The following MTNAP1 variants were observed in gnomAD, a reference collection of about 807,000 sequenced individuals.
MTNAP1 encodes the protein mitochondrial nucleoid associated protein 1.
At chr17:73,236,657 A>G in the MTNAP1 span, 8 of 1,614,180 alleles carry the variant, frequency 5.0e-6, no homozygotes, top group South Asian at 5.5e-5. Context: ...GCAGAAGCCC[A>G]GAATCATCAT....
chr17:73,233,723 G>C, the MTNAP1 span, among the ~76,000 whole-genome samples: 1 of 152,178 alleles, frequency 6.6e-6, no homozygotes, highest in Non-Finnish European at 1.5e-5. Flanking sequence ...AATTAGCTGG[G>C]CGTGGTGGCG....
At chr17:73,242,874 A>G in the MTNAP1 span, 1 of 1,596,466 alleles carries the variant, frequency 6.3e-7, no homozygotes, top group Middle Eastern at 1.8e-4. Flanking sequence ...TGTAACAACA[A>G]GCCGTGTTTC....
chr17:73,240,109 C>T, the MTNAP1 span, among the ~76,000 whole-genome samples: 1 of 152,276 alleles, frequency 6.6e-6, no homozygotes, highest in South Asian at 2.1e-4. Context: ...TAATAAGATA[C>T]AGTAACTTAA....
At chr17:73,248,358 G>A in the MTNAP1 span, 125 of 786,708 alleles carry the variant, frequency 1.6e-4, 1 homozygote, top group South Asian at 1.5e-3. Context: ...GAAAAAGAAC[G>A]TCTCTAACAT....
At chr17:73,242,363 G>A in the MTNAP1 span, 1 of 1,520,632 alleles carries the variant, frequency 6.6e-7, no homozygotes, top group Non-Finnish European at 8.9e-7. Context: ...TGAGGCTGGA[G>A]TTTGACTGTT....
the MTNAP1 span, chr17:73,236,373 G>A: frequency 4.5e-5 from 73 of 1,613,938 alleles, no homozygotes; most frequent in Non-Finnish European, 5.8e-5. Context: ...AGAAACAAGA[G>A]AAAGGACTTA....
chr17:73,241,366 G>A, the MTNAP1 span, among the ~76,000 whole-genome samples: 1 of 151,884 alleles, frequency 6.6e-6, no homozygotes, highest in Admixed American at 6.6e-5. Flanking sequence ...TACAGTGTTA[G>A]CCAGGATGGT....
At chr17:73,236,108 T>C in the MTNAP1 span, 12 of 1,614,030 alleles carry the variant, frequency 7.4e-6, no homozygotes, top group Non-Finnish European at 1.0e-5. Flanking sequence ...TTGGACAAAA[T>C]TGATCCCCAA....
the MTNAP1 span, among the ~76,000 whole-genome samples, chr17:73,241,709 C>T: frequency 6.6e-6 from 1 of 152,146 alleles, no homozygotes; most frequent in African/African-American, 2.4e-5. Flanking sequence ...GCGGGCAGAA[C>T]ACATGAGGTC....
At chr17:73,247,001 C>T in the MTNAP1 span, among the ~76,000 whole-genome samples, 116 of 152,276 alleles carry the variant, frequency 7.6e-4, 1 homozygote, top group African/African-American at 2.7e-3. Context: ...TTCAGTAATA[C>T]CCTCTTTCCC....
chr17:73,240,802 G>A, the MTNAP1 span, among the ~76,000 whole-genome samples: 5 of 152,184 alleles, frequency 3.3e-5, no homozygotes, highest in East Asian at 9.6e-4. Context: ...TGACACTGCT[G>A]ACAACATGGT....
At chr17:73,233,926 G>T in the MTNAP1 span, among the ~76,000 whole-genome samples, 1 of 152,082 alleles carries the variant, frequency 6.6e-6, no homozygotes, top group African/African-American at 2.4e-5. Context: ...GTAATCTGTT[G>T]GCAGAAAACA....
the MTNAP1 span, chr17:73,235,879 C>G: frequency 6.2e-7 from 1 of 1,614,050 alleles, no homozygotes; most frequent in South Asian, 1.1e-5. Flanking sequence ...GACTACTTTC[C>G]AAGAAGAAAC....
At chr17:73,236,736 TAGTC>T in the MTNAP1 span, 12 of 1,614,150 alleles carry the variant, frequency 7.4e-6, no homozygotes, top group South Asian at 1.1e-5. Flanking sequence ...CCAAATCTGA[TAGTC>T]AGTTCCAAGC....
At chr17:73,248,315 G>T in the MTNAP1 span, 1 of 615,964 alleles carries the variant, frequency 1.6e-6, no homozygotes, top group East Asian at 2.8e-5. Context: ...GTGAGGCGGG[G>T]TAACTACTCA....
At chr17:73,242,345 CA>C in the MTNAP1 span, 3 of 1,572,790 alleles carry the variant, frequency 1.9e-6, no homozygotes, top group African/African-American at 1.4e-5. Flanking sequence ...GGGAGCTGTA[CA>C]AAAAGGTGAG....
chr17:73,237,867 C>T, the MTNAP1 span, among the ~76,000 whole-genome samples: 1 of 151,964 alleles, frequency 6.6e-6, no homozygotes, highest in African/African-American at 2.4e-5. Context: ...AGTGGAGGCT[C>T]AGGAAATGAA....
the MTNAP1 span, chr17:73,236,722 G>C: frequency 1.2e-6 from 2 of 1,614,154 alleles, no homozygotes; most frequent in Admixed American, 3.3e-5. Flanking sequence ...GTTATCTCTG[G>C]AGCCCAAATC....
the MTNAP1 span, among the ~76,000 whole-genome samples, chr17:73,239,772 T>G: frequency 4.5e-4 from 68 of 151,918 alleles, no homozygotes; most frequent in African/African-American, 1.6e-3. Flanking sequence ...CCTCCCGCCT[T>G]GGCCTCCCAA....
Sources: allele counts gnomAD v4.1 joint callset (sites outside exome capture counted in the v4.1 genomes callset), GRCh38; gene constraint gnomAD v4.1.1; transcripts MANE v1.5; gene names NCBI Gene and HGNC (gene_info 2026-07-23, HGNC 2026-07-21).